Variants in CSMD1 observed in about 807,000 individuals in gnomAD.
The protein encoded by CSMD1 is CUB and sushi domain-containing protein 1.
Under a neutral mutation model 417.5 loss-of-function variants are expected in CSMD1, and 213 were observed. That is an observed-to-expected ratio of 0.51 (90% CI 0.46 to 0.57). CSMD1 has a LOEUF of 0.57. Among genes scored for constraint, CSMD1 ranks in the 20% least tolerant of loss-of-function variants. The pLI, the probability that CSMD1 is intolerant of heterozygous loss-of-function variation, is 0.00. For synonymous variants in CSMD1, 2,862 were observed against 1,736.8 expected (o/e 1.65, Z -16.11); for missense variants, 6,923 against 4,529.7 (o/e 1.53, Z -15.17).
intron 15 of CSMD1, among the ~76,000 whole-genome samples, chr8:3,402,690 A>G (rs1812109541): frequency 6.6e-6 from 1 of 152,180 alleles, no homozygotes; most frequent in Non-Finnish European, 1.5e-5. Flanking sequence ...ATGTTACCAA[A>G]TATCTATAAC....
intron 1 of CSMD1, among the ~76,000 whole-genome samples, chr8:4,785,959 T>G (rs1182031251): frequency 7.2e-5 from 11 of 152,088 alleles, no homozygotes; most frequent in Non-Finnish European, 1.6e-4. Flanking sequence ...TTTCAACAAT[T>G]ATAGGAAAGA....
chr8:3,431,728 C>T (rs1021135086), intron 12 of CSMD1, among the ~76,000 whole-genome samples: 4 of 152,202 alleles, frequency 2.6e-5, no homozygotes, highest in African/African-American at 9.7e-5. Context: ...ACATCTCTCA[C>T]TTTACTTTTG....
intron 3 of CSMD1, among the ~76,000 whole-genome samples, chr8:4,300,506 A>C (rs951479259): frequency 2.6e-5 from 4 of 152,228 alleles, no homozygotes; most frequent in Non-Finnish European, 5.9e-5. Context: ...TATTAACTGA[A>C]GGAAATGTCC....
intron 3 of CSMD1, among the ~76,000 whole-genome samples, chr8:4,250,839 T>C (rs1421125704): frequency 2.0e-5 from 3 of 152,250 alleles, no homozygotes; most frequent in South Asian, 4.1e-4. Flanking sequence ...TTTTAGAATA[T>C]GTCAACACCT....
intron 5 of CSMD1, among the ~76,000 whole-genome samples, chr8:3,805,756 G>C (rs1467818144): frequency 2.6e-5 from 4 of 151,796 alleles, no homozygotes; most frequent in Non-Finnish European, 4.4e-5. Flanking sequence ...GATACTCTTT[G>C]AGTCCGTCCC....
chr8:4,592,167 A>G (rs1159559632), intron 2 of CSMD1, among the ~76,000 whole-genome samples: 1 of 151,628 alleles, frequency 6.6e-6, no homozygotes, highest in Non-Finnish European at 1.5e-5. Flanking sequence ...TGTGGCATAA[A>G]TAATACTCTC....
In CSMD1 at chr8:4,698,598, A is replaced by ATTTTTT. The variant is rs3990377; in HGVS notation, c.86-61046_86-61041dup. On this transcript the variant is annotated intron_variant, in intron 1 of 69. Transcript: ENST00000635120. ...TTTTTATACAATGGAAATGATAGAA[A>ATTTTTT]TTTTTTTTTTTTTGGTTCTAAGGAG... 2.8e-4 allele frequency among the ~76,000 whole-genome samples: 41 copies of ATTTTTT among 145,930 alleles called. 1 individual carries two copies. The highest frequency in any genetic ancestry group is 9.4e-4 in the African/African-American group (37 of 39,282).
intron 3 of CSMD1, among the ~76,000 whole-genome samples, chr8:4,121,972 TATG>T (rs1802511477): frequency 6.6e-6 from 1 of 152,042 alleles, no homozygotes; most frequent in Non-Finnish European, 1.5e-5. Flanking sequence ...TAATAATGCT[TATG>T]TATAGATTTA....
intron 1 of CSMD1, among the ~76,000 whole-genome samples, chr8:4,849,642 A>G (rs953016092): frequency 3.9e-5 from 6 of 152,120 alleles, no homozygotes; most frequent in Non-Finnish European, 8.8e-5. Context: ...ATACACAAAT[A>G]CTTGATATTG....
intron 5 of CSMD1, among the ~76,000 whole-genome samples, chr8:3,792,294 A>G (rs960969523): frequency 3.9e-5 from 6 of 152,114 alleles, no homozygotes; most frequent in East Asian, 1.9e-4. Context: ...CCTGGTCTCA[A>G]AAAGAAGAAG....
chr8:4,071,806 C>T (rs78629938), intron 3 of CSMD1, among the ~76,000 whole-genome samples: 11 of 152,044 alleles, frequency 7.2e-5, no homozygotes, highest in Admixed American at 1.3e-4. Context: ...TAGTTGCATT[C>T]AAATGAAAAC....
At chr8:4,890,407 C>T (rs1223865812) in intron 1 of CSMD1, among the ~76,000 whole-genome samples, 1 of 152,012 alleles carries the variant, frequency 6.6e-6, no homozygotes, top group Non-Finnish European at 1.5e-5. Flanking sequence ...CTGGGCAAGA[C>T]AGGTGAGAGC....
At chr8:3,614,307 T>C (rs1366871809) in intron 8 of CSMD1, among the ~76,000 whole-genome samples, 3 of 152,118 alleles carry the variant, frequency 2.0e-5, no homozygotes, top group East Asian at 3.9e-4. Flanking sequence ...ATTCTTTCCC[T>C]GACGGGCTAT....
intron 41 of CSMD1, among the ~76,000 whole-genome samples, chr8:3,120,199 G>T (rs1817116774): frequency 6.6e-6 from 1 of 152,104 alleles, no homozygotes; most frequent in Non-Finnish European, 1.5e-5. Flanking sequence ...AGGGCAGAGG[G>T]GCCAGCAGAC....
intron 1 of CSMD1, among the ~76,000 whole-genome samples, chr8:4,828,498 G>A (rs1799958290): frequency 6.6e-6 from 1 of 152,110 alleles, no homozygotes; most frequent in Non-Finnish European, 1.5e-5. Flanking sequence ...CTTGGGGTAA[G>A]ATCCGAAAGC....
intron 33 of CSMD1, among the ~76,000 whole-genome samples, chr8:3,194,305 C>G (rs1796579825): frequency 6.6e-6 from 1 of 152,060 alleles, no homozygotes; most frequent in Admixed American, 6.6e-5. Flanking sequence ...CAGAAATAAC[C>G]TCAAGTAAAG....
chr8:3,536,851 C>T (rs1160094169), intron 10 of CSMD1, among the ~76,000 whole-genome samples: 2 of 152,164 alleles, frequency 1.3e-5, no homozygotes, highest in African/African-American at 4.8e-5. Flanking sequence ...GGTCCGTGTT[C>T]TGTGGCTCAG....
At chr8:3,947,960 CT>C (rs1585015907) in intron 5 of CSMD1, among the ~76,000 whole-genome samples, 1 of 152,164 alleles carries the variant, frequency 6.6e-6, no homozygotes, top group Non-Finnish European at 1.5e-5. Flanking sequence ...AATCCCAGCA[CT>C]TTGGGAGGCC....
intron 36 of CSMD1, among the ~76,000 whole-genome samples, chr8:3,182,751 G>C (rs913370182): frequency 2.2e-5 from 3 of 138,344 alleles, no homozygotes; most frequent in South Asian, 2.3e-4. Context: ...AAGAAGCTCT[G>C]TGTGTGTGTG....
Sources: allele counts gnomAD v4.1 joint callset (sites outside exome capture counted in the v4.1 genomes callset), GRCh38; gene constraint gnomAD v4.1.1; transcripts MANE v1.5; gene names NCBI Gene and HGNC (gene_info 2026-07-23, HGNC 2026-07-21).